CEP104: variants seen among roughly 807,000 people sequenced by gnomAD.
CEP104 encodes the protein centrosomal protein of 104 kDa.
In CEP104, 84 loss-of-function variants were observed where a neutral mutation model predicts 113.3. That is an observed-to-expected ratio of 0.74 (90% CI 0.62 to 0.89). CEP104 has a LOEUF of 0.89. Among genes scored for constraint, CEP104 ranks in the 40% least tolerant of loss-of-function variants. The pLI is 0.00. For synonymous variants in CEP104, 378 were observed against 421.7 expected (o/e 0.90, Z 1.27); for missense variants, 1,053 against 1,156.6 (o/e 0.91, Z 1.30).
Position 3,816,260 on chromosome 1 carries a change from T to G in CEP104, c.2662+20A>C, listed in dbSNP as rs1235924565. 2 of 1,546,524 alleles carry G rather than the reference T, an allele frequency of 1.3e-6. No individual in the cohort carries two copies. The highest frequency in any genetic ancestry group is 2.4e-5 in the South Asian group (2 of 83,678). ...ATGGAGGGATGCAGACTACACCTGC[T>G]CAGCGGCGCTGTCCCTCACCTGGCT... On this transcript the variant is annotated intron_variant, in intron 21 of 21. Coordinates refer to ENST00000378230, the MANE Select transcript of CEP104 (RefSeq NM_014704.4).
At chr1:3,833,840 A>G in intron 12 of CEP104, 22 bp downstream of exon 12, 1 of 1,612,314 alleles carries the variant, frequency 6.2e-7, no homozygotes, top group Non-Finnish European at 8.5e-7. Flanking sequence ...TACGGTTTCA[A>G]ATGCCGTGGT....
Position 3,848,655 on chromosome 1 carries a change from C to G in CEP104, c.240G>C (p.Leu80Phe). ...SKIEFYISES[L>F]PEYFAPYQAE... Reference sequence around the variant, plus strand: ...CTTGATAGGGTGCAAAATATTCAGGCAAGCTTTCACTAATGTAGAACTCAA... The same window carrying G: ...CTTGATAGGGTGCAAAATATTCAGGGAAGCTTTCACTAATGTAGAACTCAA... Residue 80 changes from leucine to phenylalanine, a missense_variant, in exon 3 of 22, where the codon TTG (leucine) becomes TTC (phenylalanine). Physicochemically the swap from Leu to Phe is conservative, Grantham distance 22. Coordinates refer to ENST00000378230, the MANE Select transcript of CEP104 (RefSeq NM_014704.4). 1 of 1,613,620 alleles carries G rather than the reference C, an allele frequency of 6.2e-7. No homozygotes were observed. Among genetic ancestry groups the G allele is most frequent in the South Asian group, 1.1e-5 (1 of 91,008 alleles).
Position 3,847,631 on chromosome 1 carries a change from A to G in CEP104, c.288-18T>C, listed in dbSNP as rs1373457703. 2.5e-6 allele frequency: 4 copies of G among 1,613,880 alleles called. No individual in the cohort carries two copies. The highest frequency in any genetic ancestry group is 3.4e-6 in the Non-Finnish European group (4 of 1,179,872). On this transcript the variant is annotated intron_variant, in intron 3 of 21. Transcript: ENST00000378230. ...ACACGTAGCTGAAAAACAAAACACA[A>G]CTGAAGAATTTGAAAATGTGCTGTT...
chr1:3,855,080 C>T (rs1232724440), intron 1 of CEP104, among the ~76,000 whole-genome samples: 1 of 151,518 alleles, frequency 6.6e-6, no homozygotes, highest in Non-Finnish European at 1.5e-5. Flanking sequence ...CCATGTTGGC[C>T]AGGCTGGTCT....
intron 9 of CEP104, chr1:3,836,944 C>G: frequency 1.9e-6 from 1 of 521,248 alleles, no homozygotes; most frequent in East Asian, 3.2e-5. Context: ...TAGATTCCAC[C>G]TCAATGACTG....
intron 21 of CEP104, 90 bp from the exon 22 acceptor site, chr1:3,815,607 A>AT: frequency 1.1e-6 from 1 of 908,560 alleles, no homozygotes; most frequent in Admixed American, 2.8e-5. Flanking sequence ...CCCAGCAACA[A>AT]CGTCCCAGGC....
intron 6 of CEP104, among the ~76,000 whole-genome samples, chr1:3,843,761 GGT>G (rs961045338): frequency 1.3e-5 from 2 of 151,178 alleles, no homozygotes; most frequent in African/African-American, 4.9e-5. Context: ...TAAAAATTGT[GGT>G]GTGTGTTTTT....
chr1:3,832,523 A>G (rs1054829309), intron 12 of CEP104, among the ~76,000 whole-genome samples: 1 of 94,624 alleles, frequency 1.1e-5, no homozygotes, highest in East Asian at 2.8e-4. Context: ...CGTGACCAGG[A>G]GTGTAGTGTA....
chr1:3,836,440 T>TA, intron 10 of CEP104, 55 bp downstream of exon 10: 6 of 1,561,168 alleles, frequency 3.8e-6, no homozygotes, highest in Non-Finnish European at 5.2e-6. Context: ...GTGCGTACCA[T>TA]ATAGACTAGC....
intron 6 of CEP104, among the ~76,000 whole-genome samples, chr1:3,840,013 C>T (rs1644385633): frequency 6.6e-6 from 1 of 152,198 alleles, no homozygotes; most frequent in Non-Finnish European, 1.5e-5. Flanking sequence ...CCAAACTGCA[C>T]TTCAGGGCAT....
chr1:3,816,222 T>C, intron 21 of CEP104, 58 bp downstream of exon 21: 1 of 1,456,472 alleles, frequency 6.9e-7, no homozygotes, highest in Non-Finnish European at 9.3e-7. Context: ...GATGCTTTTT[T>C]GAATAAGTCA....
chr1:3,835,273 A>T (rs1434017743), intron 10 of CEP104, among the ~76,000 whole-genome samples, 181 bp from the exon 11 acceptor site: 1 of 152,240 alleles, frequency 6.6e-6, no homozygotes, highest in Non-Finnish European at 1.5e-5. Flanking sequence ...TATTTAGAGA[A>T]ATAATTTTCT....
At chr1:3,849,779 C>T (rs1020916616) in intron 2 of CEP104, among the ~76,000 whole-genome samples, 25 of 151,428 alleles carry the variant, frequency 1.7e-4, no homozygotes, top group Admixed American at 2.6e-4. Flanking sequence ...TCATTCATGG[C>T]GAGATTATCT....
At chr1:3,826,048 G>A (rs1644084413) in intron 17 of CEP104, among the ~76,000 whole-genome samples, 182 bp from the exon 18 acceptor site, 1 of 152,216 alleles carries the variant, frequency 6.6e-6, no homozygotes, top group African/African-American at 2.4e-5. Context: ...CTTGCAGGTG[G>A]CAGAGGAGGC....
intron 8 of CEP104, among the ~76,000 whole-genome samples, 171 bp from the exon 9 acceptor site, chr1:3,837,690 A>T (rs1557679723): frequency 6.6e-6 from 1 of 152,386 alleles, no homozygotes; most frequent in African/African-American, 2.4e-5. Flanking sequence ...AATCTACTTG[A>T]AAGTCCCACA....
chr1:3,838,564 C>A (rs1644356981), intron 8 of CEP104, among the ~76,000 whole-genome samples: 1 of 152,184 alleles, frequency 6.6e-6, no homozygotes, highest in Non-Finnish European at 1.5e-5. Context: ...GGCAGAGCAC[C>A]TTATGGGAAA....
At chr1:3,846,382 C>T (rs759216766) in intron 4 of CEP104, among the ~76,000 whole-genome samples, 3 of 152,118 alleles carry the variant, frequency 2.0e-5, no homozygotes, top group Non-Finnish European at 4.4e-5. Flanking sequence ...GGGCAGCTGG[C>T]ACAAACTGGG....
chr1:3,839,000 C>T lies in CEP104; in HGVS notation c.855G>A (p.Glu285=). 6.2e-7 allele frequency: 1 copy of T among 1,614,200 alleles called. No homozygotes were observed. The highest frequency in any genetic ancestry group is 8.5e-7 in the Non-Finnish European group (1 of 1,180,040). ...CCAGGAGGCTGTGCAGCTCCAGCTG[C>T]TCGTACACCTCGGCACGATACTGCT... ...QMEQYRAEVY[E]QLELHSLLDA... Residue 285 remains glutamate (E), a synonymous_variant, in exon 8 of 22, where the codon GAG becomes GAA. Coordinates refer to ENST00000378230, the MANE Select transcript of CEP104 (RefSeq NM_014704.4).
chr1:3,853,280 T>C (rs914656412), intron 1 of CEP104, among the ~76,000 whole-genome samples: 1 of 152,170 alleles, frequency 6.6e-6, no homozygotes, highest in African/African-American at 2.4e-5. Flanking sequence ...CAGAGTTAGG[T>C]TGAGGGACTG....
Sources: gnomAD v4.1 joint callset for allele counts (sites outside exome capture counted in the v4.1 genomes callset) on GRCh38, gnomAD v4.1.1 for gene constraint, MANE v1.5 for transcripts, NCBI Gene and HGNC (gene_info 2026-07-23, HGNC 2026-07-21) for gene names.